Variants in KLHL6 observed in about 807,000 individuals in gnomAD.
KLHL6 encodes the protein kelch-like protein 6.
Under a neutral mutation model 58.6 loss-of-function variants are expected in KLHL6, and 41 were observed. The observed-to-expected ratio is 0.70, with a 90% CI of 0.55 to 0.91. The LOEUF (loss-of-function observed/expected upper bound fraction) is 0.91, where lower values mean the gene tolerates loss of function less well. KLHL6 is among the 40% of genes least tolerant of loss of function. The probability of loss-of-function intolerance (pLI) is 0.00; values close to 1 mark genes in which losing one functional copy is unlikely to be tolerated. For synonymous variants in KLHL6, 338 were observed against 322.7 expected (o/e 1.05, Z -0.51); for missense variants, 714 against 805.6 (o/e 0.89, Z 1.38).
intron 2 of KLHL6, among the ~76,000 whole-genome samples, chr3:183,525,887 T>C (rs1345932083): frequency 6.6e-6 from 1 of 152,206 alleles, no homozygotes; most frequent in Admixed American, 6.5e-5. Context: ...GGGAGTGATA[T>C]GCATATAGAG....
intron 1 of KLHL6, among the ~76,000 whole-genome samples, chr3:183,553,611 C>G (rs933427009): frequency 1.3e-5 from 2 of 152,188 alleles, no homozygotes; most frequent in African/African-American, 4.8e-5. Flanking sequence ...TTTATATCAA[C>G]CCATTTTGAT....
intron 2 of KLHL6, among the ~76,000 whole-genome samples, chr3:183,508,938 G>T (rs1296971036): frequency 1.3e-5 from 2 of 152,164 alleles, no homozygotes; most frequent in Non-Finnish European, 2.9e-5. Flanking sequence ...TCTGTTCATT[G>T]GATCTGATTA....
intron 1 of KLHL6, among the ~76,000 whole-genome samples, chr3:183,536,854 G>A (rs992477086): frequency 1.3e-5 from 2 of 152,080 alleles, no homozygotes; most frequent in African/African-American, 4.8e-5. Context: ...CATTGCTGTC[G>A]ACCATGCATC....
chr3:183,510,602 C>T (rs1457748387), intron 2 of KLHL6, among the ~76,000 whole-genome samples: 1 of 152,038 alleles, frequency 6.6e-6, no homozygotes, highest in Non-Finnish European at 1.5e-5. Context: ...AGGCCGGGCG[C>T]GGTGGCTCAC....
intron 2 of KLHL6, among the ~76,000 whole-genome samples, chr3:183,512,576 C>G (rs1718219055): frequency 1.3e-5 from 2 of 151,932 alleles, no homozygotes; most frequent in Non-Finnish European, 2.9e-5. Context: ...ACCACAGCCT[C>G]CGCCTCCCGG....
rs939181068 is a variant in KLHL6 at position 183,508,782 on chromosome 3, C to T, written c.460-274G>A. On this transcript the variant is annotated intron_variant, in intron 2 of 6. Coordinates refer to ENST00000341319, the MANE Select transcript of KLHL6 (RefSeq NM_130446.4). ...AATACATATAATTCATTCATACAGT[C>T]GACTTAAAACAATGAGACACTTACG... Among the ~76,000 whole-genome samples the T allele has an allele frequency of 5.3e-5, 8 of 151,956 alleles. No homozygotes were observed. In the East Asian group the frequency reaches 9.6e-4, roughly 18 times the overall value.
In KLHL6 at chr3:183,492,642, C is replaced by T; in HGVS notation, c.1416G>A (p.Val472=). The T allele has an allele frequency of 6.2e-7, 1 of 1,614,164 alleles. No individual in the cohort carries two copies. The highest frequency in any genetic ancestry group is 1.1e-5 in the South Asian group (1 of 91,068). ...GTTTCCCATTGGGCCCTCCCCCGAT[C>T]ACATACAGCTTCTTCTTATGGCTGG... The part of the protein sequence containing the change: ...AATSHKKKLY[V]IGGGPNGKLA... The change falls in exon 6 of 7, where the codon GTG becomes GTA. Residue 472 remains valine (V), a synonymous_variant. Transcript: ENST00000341319. The surrounding 1 kb of genome is among the most constrained non-coding windows in gnomAD (Gnocchi z 5.9).
At chr3:183,532,018 G>C (rs554899123) in intron 1 of KLHL6, among the ~76,000 whole-genome samples, 40 of 152,342 alleles carry the variant, frequency 2.6e-4, no homozygotes, top group Admixed American at 2.5e-3. Context: ...AGAAGGACAC[G>C]AATTTGGGGG....
chr3:183,494,648 G>A (rs1717666996), intron 4 of KLHL6, among the ~76,000 whole-genome samples: 1 of 152,188 alleles, frequency 6.6e-6, no homozygotes, highest in Admixed American at 6.5e-5. Context: ...ACAGGGAGCA[G>A]GAAGCAAGGC....
intron 3 of KLHL6, among the ~76,000 whole-genome samples, chr3:183,505,699 G>C (rs775151355): frequency 7.3e-5 from 11 of 150,938 alleles, no homozygotes; most frequent in Admixed American, 2.0e-4. Flanking sequence ...TGGAATGAGA[G>C]ATGTGACAAC....
chr3:183,541,788 T>G (rs1712562467), intron 1 of KLHL6, among the ~76,000 whole-genome samples: 1 of 152,244 alleles, frequency 6.6e-6, no homozygotes, highest in Non-Finnish European at 1.5e-5. Context: ...TAATAATAGC[T>G]GTGGCTCTAT....
At chr3:183,546,756 C>T (rs759233681) in intron 1 of KLHL6, among the ~76,000 whole-genome samples, 7 of 152,172 alleles carry the variant, frequency 4.6e-5, no homozygotes, top group African/African-American at 4.8e-5. Flanking sequence ...TTTTACTATT[C>T]GCGTTTCACA....
chr3:183,534,097 A>G lies in KLHL6; in HGVS notation c.294-6087T>C, dbSNP rs568758979. 7.4e-3 allele frequency among the ~76,000 whole-genome samples: 994 copies of G among 133,802 alleles called. 20 individuals are homozygous for G. The highest frequency in any genetic ancestry group is 0.026 in the African/African-American group (964 of 37,712). 87.8% of individuals were successfully genotyped at this position (133,802 alleles called of 152,430 possible). ...GCCTTTAAAAGTACTTTACTTTTAA[A>G]GTACTTTAAAAGTACTTTACTTTTA... is the stretch of plus-strand genomic sequence containing the variant. On this transcript the variant is annotated intron_variant, in intron 1 of 6. Coordinates refer to ENST00000341319, the MANE Select transcript of KLHL6 (RefSeq NM_130446.4).
At chr3:183,553,148 T>C (rs1031015586) in intron 1 of KLHL6, among the ~76,000 whole-genome samples, 2 of 152,210 alleles carry the variant, frequency 1.3e-5, no homozygotes, top group Non-Finnish European at 2.9e-5. Context: ...AAGTCACTTC[T>C]CTGAAGAGAA....
intron 1 of KLHL6, among the ~76,000 whole-genome samples, chr3:183,542,374 C>A (rs139908603): frequency 6.6e-6 from 1 of 152,324 alleles, no homozygotes; most frequent in African/African-American, 2.4e-5. Flanking sequence ...GTCTCTCAGC[C>A]TTATTGGCCT....
At chr3:183,554,723 A>G (rs1450603248) in intron 1 of KLHL6, among the ~76,000 whole-genome samples, 1 of 152,244 alleles carries the variant, frequency 6.6e-6, no homozygotes, top group Non-Finnish European at 1.5e-5. Context: ...AACACCAGTC[A>G]GACCAAGGGG....
chr3:183,526,263 ATT>A (rs1355784815), intron 2 of KLHL6, among the ~76,000 whole-genome samples: 11 of 152,228 alleles, frequency 7.2e-5, no homozygotes, highest in Admixed American at 1.3e-4. Context: ...GTGAACCAAG[ATT>A]GTGCCATTGT....
chr3:183,525,886 A>G (rs1711947515), intron 2 of KLHL6, among the ~76,000 whole-genome samples: 1 of 152,208 alleles, frequency 6.6e-6, no homozygotes, highest in African/African-American at 2.4e-5. Flanking sequence ...TGGGAGTGAT[A>G]TGCATATAGA....
chr3:183,535,485 C>T (rs774945846), intron 1 of KLHL6, among the ~76,000 whole-genome samples: 6 of 152,068 alleles, frequency 3.9e-5, no homozygotes, highest in Non-Finnish European at 7.4e-5. Context: ...AGGGTGGGCA[C>T]TAATTATGGG....
Sources: gnomAD v4.1 joint callset for allele counts (sites outside exome capture counted in the v4.1 genomes callset) on GRCh38, gnomAD v4.1.1 for gene constraint, Gnocchi (gnomAD v3.1) non-coding constraint, MANE v1.5 for transcripts, NCBI Gene and HGNC (gene_info 2026-07-23, HGNC 2026-07-21) for gene names.